The following MKLN1 variants were observed in gnomAD, a reference collection of about 807,000 sequenced individuals.
MKLN1 encodes muskelin.
Under a neutral mutation model 99.0 loss-of-function variants are expected in MKLN1, and 18 were observed. That is an observed-to-expected ratio of 0.18 (90% CI 0.13 to 0.27). The LOEUF is 0.27. MKLN1 is among the 10% of genes least tolerant of loss of function. The probability of loss-of-function intolerance (pLI) is 1.00; values close to 1 mark genes in which losing one functional copy is unlikely to be tolerated. For synonymous variants in MKLN1, 288 were observed against 293.2 expected, an observed-to-expected ratio of 0.98 and a Z score of 0.18; for missense variants, 621 against 875.9, an observed-to-expected ratio of 0.71 and a Z score of 3.67.
chr7:131,192,670 T>C (rs1254561939), intron 2 of MKLN1, among the ~76,000 whole-genome samples: 1 of 151,224 alleles, frequency 6.6e-6, no homozygotes, highest in Non-Finnish European at 1.5e-5. Flanking sequence ...GCCTCCTGAG[T>C]AGCTGGGACT....
chr7:131,230,520 T>C (rs2398745), intron 3 of MKLN1, among the ~76,000 whole-genome samples: 148,895 of 152,322 alleles, frequency 0.98, 72,876 homozygotes, highest in East Asian at 1. Context: ...TGTTGATCCG[T>C]CATGTTGACT....
chr7:131,391,646 G>A (rs570485661), intron 4 of MKLN1, among the ~76,000 whole-genome samples: 9 of 152,264 alleles, frequency 5.9e-5, no homozygotes, highest in African/African-American at 1.7e-4. Context: ...CTTCCTTCAG[G>A]AAAGTTTTAC....
intron 3 of MKLN1, among the ~76,000 whole-genome samples, chr7:131,314,713 C>T (rs980441369): frequency 6.6e-6 from 1 of 151,952 alleles, no homozygotes; most frequent in Non-Finnish European, 1.5e-5. Context: ...TGAGCCACCG[C>T]GCCCAGCCCT....
chr7:131,208,982 A>G (rs914905609), intron 3 of MKLN1, among the ~76,000 whole-genome samples: 9 of 152,200 alleles, frequency 5.9e-5, no homozygotes, highest in African/African-American at 2.2e-4. Context: ...GCTGTGGAAG[A>G]CCTGTCTGAA....
chr7:131,207,638 T>C (rs1296455966), intron 3 of MKLN1, among the ~76,000 whole-genome samples: 1 of 152,194 alleles, frequency 6.6e-6, no homozygotes, highest in Non-Finnish European at 1.5e-5. Context: ...CAATGTACCA[T>C]GGCCTACCAG....
At chr7:131,300,471 A>T (rs1798359926) in intron 3 of MKLN1, among the ~76,000 whole-genome samples, 1 of 149,414 alleles carries the variant, frequency 6.7e-6, no homozygotes, top group Non-Finnish European at 1.5e-5. Context: ...ACTTGAGGCC[A>T]GGAGTTCAAG....
chr7:131,220,217 T>A (rs1373606164), intron 3 of MKLN1, among the ~76,000 whole-genome samples: 1 of 152,200 alleles, frequency 6.6e-6, no homozygotes, highest in African/African-American at 2.4e-5. Context: ...GAAAACTATT[T>A]ACAAGTTAAT....
chr7:131,205,617 C>A (rs796788743), intron 3 of MKLN1, among the ~76,000 whole-genome samples: 12 of 152,256 alleles, frequency 7.9e-5, no homozygotes, highest in African/African-American at 2.9e-4. Flanking sequence ...AGGTATTCAT[C>A]AGGCTAGACT....
At chr7:131,175,251 G>GATAAATAGATAGATAGATA (rs1796281442) in intron 2 of MKLN1, among the ~76,000 whole-genome samples, 1 of 150,160 alleles carries the variant, frequency 6.7e-6, no homozygotes. Flanking sequence ...TGGATGGATA[G>GATAAATAGATAGATAGATA]ATAGATAGAT....
At chr7:131,486,733 A>G (rs771642812) in intron 17 of MKLN1, among the ~76,000 whole-genome samples, 1 of 152,158 alleles carries the variant, frequency 6.6e-6, no homozygotes, top group East Asian at 1.9e-4. Flanking sequence ...TATCACTTAA[A>G]TATCTCATTT....
At chr7:131,441,176 A>G (rs1795827314) in intron 10 of MKLN1, among the ~76,000 whole-genome samples, 3 of 152,326 alleles carry the variant, frequency 2.0e-5, no homozygotes, top group African/African-American at 7.2e-5. Flanking sequence ...ACTTCAGTTG[A>G]AGAATTGAAG....
intron 3 of MKLN1, among the ~76,000 whole-genome samples, chr7:131,300,557 A>G (rs1056894076): frequency 8.0e-5 from 12 of 150,452 alleles, no homozygotes; most frequent in Non-Finnish European, 3.0e-5. Flanking sequence ...GGTGGGGCAC[A>G]CCTGTAATAA....
intron 3 of MKLN1, among the ~76,000 whole-genome samples, chr7:131,240,243 C>A (rs1320332571): frequency 6.6e-6 from 1 of 152,038 alleles, no homozygotes; most frequent in African/African-American, 2.4e-5. Flanking sequence ...CAGGGACCTG[C>A]CACTTCAGAA....
At position 131,133,815 on chromosome 7, in the gene MKLN1, A is replaced by T. The variant is rs866029656; in HGVS notation, c.-418-9005A>T. ...GTTGACTTCTTTTTTTTTTTTTTTA[A>T]TTTGGTTTTTTTTTTTTTTTTTTTT... On this transcript the variant is annotated intron_variant, in intron 1 of 7. Transcript: ENST00000416992. Among the ~76,000 whole-genome samples the T allele has an allele frequency of 2.2e-3, 114 of 51,512 alleles. 3 individuals are homozygous for T. Among genetic ancestry groups the T allele is most frequent in the South Asian group, 3.2e-3 (3 of 930 alleles). The allele number at this position is 51,512 out of a possible 152,430, so 33.8% of individuals were successfully genotyped here.
At chr7:131,305,278 G>A (rs1255898837) in intron 3 of MKLN1, among the ~76,000 whole-genome samples, 1 of 152,198 alleles carries the variant, frequency 6.6e-6, no homozygotes, top group African/African-American at 2.4e-5. Flanking sequence ...GCCAACTGGT[G>A]TGTTCCTTTG....
chr7:131,136,725 G>A (rs553691369), intron 1 of MKLN1, among the ~76,000 whole-genome samples: 3 of 152,298 alleles, frequency 2.0e-5, no homozygotes, highest in East Asian at 1.9e-4. Flanking sequence ...ATGTCCTGCC[G>A]TTCTCCAAAT....
intron 1 of MKLN1, among the ~76,000 whole-genome samples, chr7:131,328,598 C>T (rs2116685086): frequency 6.6e-6 from 1 of 152,210 alleles, no homozygotes; most frequent in East Asian, 1.9e-4. Flanking sequence ...TCTTTAATGC[C>T]TGGAAGTTCT....
intron 2 of MKLN1, among the ~76,000 whole-genome samples, chr7:131,198,346 C>T (rs1293120815): frequency 6.6e-6 from 1 of 152,194 alleles, no homozygotes; most frequent in African/African-American, 2.4e-5. Flanking sequence ...TCGTCAGGAC[C>T]TCCTGAGGCT....
chr7:131,121,947 A>G (rs1178140731), intron 1 of MKLN1, among the ~76,000 whole-genome samples: 1 of 152,256 alleles, frequency 6.6e-6, no homozygotes, highest in Non-Finnish European at 1.5e-5. Context: ...ACTGAGAATC[A>G]GAAACCAGGA....
Sources: gnomAD v4.1 joint callset for allele counts (sites outside exome capture counted in the v4.1 genomes callset) on GRCh38, gnomAD v4.1.1 for gene constraint, MANE v1.5 for transcripts, NCBI Gene and HGNC (gene_info 2026-07-23, HGNC 2026-07-21) for gene names.